Variants in RBFOX1 observed in about 807,000 individuals in gnomAD.
RBFOX1 encodes the protein RNA binding fox-1 homolog 1, also known as RNA binding protein fox-1 homolog 1.
In RBFOX1, 8 loss-of-function variants were observed where a neutral mutation model predicts 57.7. That is an observed-to-expected ratio of 0.14 (90% CI 0.08 to 0.25). The LOEUF is 0.25. Among genes scored for constraint, RBFOX1 ranks in the 10% least tolerant of loss-of-function variants. The probability of loss-of-function intolerance (pLI) is 1.00; values close to 1 mark genes in which losing one functional copy is unlikely to be tolerated. For missense variants in RBFOX1, 611 were observed against 548.5 expected (o/e 1.11, Z -1.14); for synonymous variants, 326 against 222.4 (o/e 1.47, Z -4.15).
chr16:6,339,516 A>G (rs2795532), intron 2 of RBFOX1, among the ~76,000 whole-genome samples: 96,365 of 152,040 alleles, frequency 0.63, 32,967 homozygotes, highest in African/African-American at 0.9. Flanking sequence ...AGGTCATCGT[A>G]AAGTCATGGA....
chr16:5,281,455 G>A (rs1286631835), intron 1 of RBFOX1, among the ~76,000 whole-genome samples: 4 of 152,188 alleles, frequency 2.6e-5, no homozygotes, highest in Non-Finnish European at 5.9e-5. Flanking sequence ...GGTCTAAAGT[G>A]CAGCTTAAAT....
chr16:5,296,789 C>T (rs938514249), intron 1 of RBFOX1, among the ~76,000 whole-genome samples: 19 of 151,828 alleles, frequency 1.3e-4, no homozygotes, highest in African/African-American at 4.1e-4. Flanking sequence ...AGCAATTCTC[C>T]TGTCTCAGCC....
intron 4 of RBFOX1, among the ~76,000 whole-genome samples, chr16:7,249,983 T>C (rs534685320): frequency 1.3e-5 from 2 of 152,248 alleles, no homozygotes; most frequent in Non-Finnish European, 2.9e-5. Flanking sequence ...AGAAGCATTA[T>C]AAAATCCTTT....
At chr16:7,675,955 G>A (rs779399839) in intron 13 of RBFOX1, among the ~76,000 whole-genome samples, 1 of 152,166 alleles carries the variant, frequency 6.6e-6, no homozygotes, top group Admixed American at 6.5e-5. Context: ...GATCATCAAC[G>A]CTCCACTGAA....
chr16:5,922,423 C>G (rs771527189), intron 4 of RBFOX1, among the ~76,000 whole-genome samples: 2 of 152,296 alleles, frequency 1.3e-5, no homozygotes, highest in South Asian at 4.1e-4. Flanking sequence ...GGTGTCTCAG[C>G]TATGGATAGC....
At chr16:7,544,391 A>T (rs2083831063) in intron 5 of RBFOX1, among the ~76,000 whole-genome samples, 1 of 152,212 alleles carries the variant, frequency 6.6e-6, no homozygotes, top group Non-Finnish European at 1.5e-5. Flanking sequence ...CCTTAGGAGG[A>T]GATCTCATTT....
chr16:5,453,502 A>G (rs774459223), intron 1 of RBFOX1, among the ~76,000 whole-genome samples: 16 of 152,158 alleles, frequency 1.1e-4, no homozygotes, highest in Admixed American at 1.3e-4. Context: ...CTCTTCATCA[A>G]CAATTCATGC....
chr16:7,226,997 T>C (rs2093165894), intron 4 of RBFOX1, among the ~76,000 whole-genome samples: 1 of 152,172 alleles, frequency 6.6e-6, no homozygotes, highest in Non-Finnish European at 1.5e-5. Context: ...CTCTCCAGGA[T>C]AAAAAATGGC....
chr16:6,616,485 G>A (rs545346320), intron 2 of RBFOX1, among the ~76,000 whole-genome samples: 1 of 152,126 alleles, frequency 6.6e-6, no homozygotes, highest in African/African-American at 2.4e-5. Flanking sequence ...GACCATCCTG[G>A]CTAACAAGGT....
intron 3 of RBFOX1, among the ~76,000 whole-genome samples, chr16:6,977,937 G>GGAAAA (rs774553742): frequency 7.5e-5 from 6 of 79,474 alleles, no homozygotes; most frequent in Admixed American, 3.6e-4. Flanking sequence ...CCTCCCCAGG[G>GGAAAA]AAAAAAAAAA....
intron 14 of RBFOX1, among the ~76,000 whole-genome samples, chr16:7,677,183 C>T (rs1343470412): frequency 9.0e-6 from 1 of 111,550 alleles, no homozygotes; most frequent in East Asian, 2.2e-4. Flanking sequence ...TTATGGTCTT[C>T]CACATAAGAC....
intron 3 of RBFOX1, among the ~76,000 whole-genome samples, chr16:6,795,802 G>A (rs570675138): frequency 1.3e-5 from 2 of 151,050 alleles, no homozygotes; most frequent in Admixed American, 1.3e-4. Flanking sequence ...GATAGTCATC[G>A]TTGCTTTCTT....
chr16:6,759,581 C>G (rs1036764719), intron 3 of RBFOX1, among the ~76,000 whole-genome samples: 3 of 150,188 alleles, frequency 2.0e-5, no homozygotes, highest in African/African-American at 7.4e-5. Flanking sequence ...GATATGAGTT[C>G]CAGTTCCAGT....
At chr16:6,331,890 A>G (rs2083081160) in intron 2 of RBFOX1, among the ~76,000 whole-genome samples, 1 of 152,068 alleles carries the variant, frequency 6.6e-6, no homozygotes, top group African/African-American at 2.4e-5. Context: ...CTTGGCTGCC[A>G]TCTTCCATCC....
At chr16:6,114,676 C>T (rs935703855) in intron 1 of RBFOX1, among the ~76,000 whole-genome samples, 2 of 152,096 alleles carry the variant, frequency 1.3e-5, no homozygotes, top group Non-Finnish European at 2.9e-5. Flanking sequence ...TGGCACCAAA[C>T]CCCTTTGAAA....
At chr16:7,091,941 C>T (rs1316900077) in intron 4 of RBFOX1, among the ~76,000 whole-genome samples, 1 of 152,130 alleles carries the variant, frequency 6.6e-6, no homozygotes, top group African/African-American at 2.4e-5. Context: ...AGGACAGAAA[C>T]AACATCTGCC....
At chr16:5,996,023 G>A (rs1210096654) in intron 4 of RBFOX1, among the ~76,000 whole-genome samples, 2 of 152,120 alleles carry the variant, frequency 1.3e-5, no homozygotes, top group Admixed American at 6.5e-5. Flanking sequence ...AGGAGAAAAG[G>A]AGCTCTCTGG....
intron 3 of RBFOX1, among the ~76,000 whole-genome samples, chr16:6,899,876 T>G (rs1254685224): frequency 6.6e-6 from 1 of 152,174 alleles, no homozygotes; most frequent in Non-Finnish European, 1.5e-5. Flanking sequence ...TGTCCAGGTG[T>G]GAAGTTAACA....
chr16:6,877,176 T>G (rs1007850898), intron 3 of RBFOX1, among the ~76,000 whole-genome samples: 3 of 152,198 alleles, frequency 2.0e-5, no homozygotes, highest in African/African-American at 7.2e-5. Flanking sequence ...GATATCTTAT[T>G]TCTGCAGCCG....
Sources: gnomAD v4.1 joint callset for allele counts (sites outside exome capture counted in the v4.1 genomes callset) on GRCh38, gnomAD v4.1.1 for gene constraint, MANE v1.5 for transcripts, NCBI Gene and HGNC (gene_info 2026-07-23, HGNC 2026-07-21) for gene names.